TAFA1: variants seen among roughly 807,000 people sequenced by gnomAD.
TAFA1 encodes the protein chemokine-like protein TAFA-1.
A neutral mutation model predicts 18.5 loss-of-function variants in TAFA1; 4 were observed. That is an observed-to-expected ratio of 0.22 (90% CI 0.11 to 0.49). The LOEUF is 0.49. Among genes scored for constraint, TAFA1 ranks in the 20% least tolerant of loss-of-function variants. The probability of loss-of-function intolerance (pLI) is 0.98; values close to 1 mark genes in which losing one functional copy is unlikely to be tolerated. For synonymous variants in TAFA1, 56 were observed against 55.2 expected (o/e 1.01, Z -0.06); for missense variants, 147 against 169.0 (o/e 0.87, Z 0.72).
At chr3:68,464,166 T>C (rs1300756140) in intron 3 of TAFA1, among the ~76,000 whole-genome samples, 1 of 152,164 alleles carries the variant, frequency 6.6e-6, no homozygotes, top group Admixed American at 6.5e-5. Context: ...GCACCTACCA[T>C]GTACCAGAGA....
At chr3:68,425,572 G>GT (rs1277373373) in intron 3 of TAFA1, among the ~76,000 whole-genome samples, 2 of 151,918 alleles carry the variant, frequency 1.3e-5, no homozygotes, top group African/African-American at 4.8e-5. Context: ...GCATGTACAG[G>GT]TGTGTGAGAG....
At chr3:68,369,312 C>T (rs534155201) in intron 2 of TAFA1, among the ~76,000 whole-genome samples, 5 of 152,208 alleles carry the variant, frequency 3.3e-5, no homozygotes, top group Admixed American at 1.3e-4. Flanking sequence ...ATCCTTGGAT[C>T]GGAGTATCTT....
At chr3:68,217,930 A>G (rs944424575) in intron 2 of TAFA1, among the ~76,000 whole-genome samples, 1 of 152,052 alleles carries the variant, frequency 6.6e-6, no homozygotes, top group Non-Finnish European at 1.5e-5. Flanking sequence ...TTTAGATTTG[A>G]ATAAAATAAA....
chr3:68,396,365 TG>T (rs1232816457), intron 2 of TAFA1, among the ~76,000 whole-genome samples: 1 of 152,180 alleles, frequency 6.6e-6, no homozygotes, highest in African/African-American at 2.4e-5. Context: ...GAAGTATCCC[TG>T]GTGTCCCTTC....
chr3:68,234,174 A>C (rs1244329856), intron 2 of TAFA1, among the ~76,000 whole-genome samples: 1 of 152,154 alleles, frequency 6.6e-6, no homozygotes, highest in African/African-American at 2.4e-5. Flanking sequence ...ATTCCCCACT[A>C]TGGCATTTGA....
intron 2 of TAFA1, among the ~76,000 whole-genome samples, chr3:68,185,911 A>C (rs930502287): frequency 4.7e-4 from 6 of 12,758 alleles, no homozygotes; most frequent in Non-Finnish European, 5.5e-4. Flanking sequence ...CAAATAAAAT[A>C]AATAAATAAA....
intron 3 of TAFA1, among the ~76,000 whole-genome samples, chr3:68,426,963 G>A (rs75284393): frequency 6.6e-6 from 1 of 151,822 alleles, no homozygotes; most frequent in Non-Finnish European, 1.5e-5. Context: ...GATTAATGTA[G>A]CAAGTCTCAT....
upstream of TAFA1, among the ~76,000 whole-genome samples, chr3:68,003,749 G>C (rs1328164144): frequency 2.0e-5 from 3 of 152,078 alleles, no homozygotes; most frequent in Admixed American, 6.5e-5. Flanking sequence ...TTCTTCATTT[G>C]ATGCTGAAAA....
intron 2 of TAFA1, among the ~76,000 whole-genome samples, chr3:68,008,168 TC>T (rs1704401700): frequency 6.6e-6 from 1 of 152,198 alleles, no homozygotes; most frequent in Admixed American, 6.5e-5. Context: ...GAAACCGCCC[TC>T]TTCAGGACGC....
chr3:68,021,047 A>T (rs549031649), intron 2 of TAFA1, among the ~76,000 whole-genome samples: 4 of 151,904 alleles, frequency 2.6e-5, no homozygotes, highest in Non-Finnish European at 5.9e-5. Flanking sequence ...TCAGCTGGAC[A>T]TGGTGGCATG....
At chr3:68,126,461 C>T (rs1183864084) in intron 2 of TAFA1, among the ~76,000 whole-genome samples, 1 of 152,164 alleles carries the variant, frequency 6.6e-6, no homozygotes, top group Non-Finnish European at 1.5e-5. Flanking sequence ...ATCTTTGGTC[C>T]TGGCAAGTAT....
intron 2 of TAFA1, among the ~76,000 whole-genome samples, chr3:68,250,400 C>T (rs1182847212): frequency 6.6e-6 from 1 of 152,162 alleles, no homozygotes; most frequent in Non-Finnish European, 1.5e-5. Flanking sequence ...AAGTGCAACA[C>T]ACCAATGCTT....
intron 3 of TAFA1, among the ~76,000 whole-genome samples, chr3:68,436,612 T>TC (rs2071272346): frequency 6.6e-6 from 1 of 152,084 alleles, no homozygotes; most frequent in South Asian, 2.1e-4. Flanking sequence ...AATAATGTAG[T>TC]CCCCAAGCAG....
chr3:68,067,832 G>A (rs1220504606), intron 2 of TAFA1, among the ~76,000 whole-genome samples: 1 of 151,698 alleles, frequency 6.6e-6, no homozygotes, highest in African/African-American at 2.4e-5. Flanking sequence ...ACACGATGTT[G>A]AATGAGACTC....
intron 2 of TAFA1, among the ~76,000 whole-genome samples, chr3:68,144,367 A>G (rs1235225088): frequency 1.3e-5 from 2 of 152,176 alleles, no homozygotes; most frequent in Non-Finnish European, 2.9e-5. Flanking sequence ...GGAGCCCAGC[A>G]TTTGAATGTT....
intron 2 of TAFA1, among the ~76,000 whole-genome samples, chr3:68,397,163 A>C (rs1488741637): frequency 6.6e-6 from 1 of 152,068 alleles, no homozygotes; most frequent in Non-Finnish European, 1.5e-5. Context: ...TTATTGTTTT[A>C]CTTTAAGTTC....
chr3:68,426,860 G>T (rs2071065526), intron 3 of TAFA1, among the ~76,000 whole-genome samples: 1 of 151,812 alleles, frequency 6.6e-6, no homozygotes, highest in South Asian at 2.1e-4. Flanking sequence ...TCAGATTCAT[G>T]ACTGTGGGTA....
At chr3:68,421,794 C>T (rs1273900560) in intron 3 of TAFA1, among the ~76,000 whole-genome samples, 3 of 152,042 alleles carry the variant, frequency 2.0e-5, no homozygotes, top group Non-Finnish European at 4.4e-5. Context: ...TGTTTTCTAT[C>T]TCACTAGTAA....
chr3:68,519,736 C>T (rs2106747855), intron 3 of TAFA1, among the ~76,000 whole-genome samples: 1 of 152,240 alleles, frequency 6.6e-6, no homozygotes, highest in Non-Finnish European at 1.5e-5. Flanking sequence ...TGGCAGAAAG[C>T]AGAGTGAGGT....
Sources: gnomAD v4.1 joint callset for allele counts (sites outside exome capture counted in the v4.1 genomes callset) on GRCh38, gnomAD v4.1.1 for gene constraint, MANE v1.5 for transcripts, NCBI Gene and HGNC (gene_info 2026-07-23, HGNC 2026-07-21) for gene names.